MYO5A: variants seen among roughly 807,000 people sequenced by gnomAD.
MYO5A encodes unconventional myosin-Va.
In MYO5A, 98 loss-of-function variants were observed where a neutral mutation model predicts 249.7. That is an observed-to-expected ratio of 0.39 (90% CI 0.33 to 0.46). The LOEUF is 0.46. MYO5A is among the 20% of genes least tolerant of loss of function. MYO5A has a pLI of 0.98. For synonymous variants in MYO5A, 778 were observed against 810.6 expected (o/e 0.96, Z 0.68); for missense variants, 1,696 against 2,308.8 (o/e 0.73, Z 5.44).
intron 2 of MYO5A, among the ~76,000 whole-genome samples, chr15:52,429,428 C>G (rs1037521447): frequency 6.6e-6 from 1 of 152,130 alleles, no homozygotes; most frequent in African/African-American, 2.4e-5. Flanking sequence ...GTGGCTCATG[C>G]CTGTAATCCC....
chr15:52,442,758 C>CT (rs57527294), intron 1 of MYO5A, among the ~76,000 whole-genome samples: 69,124 of 140,834 alleles, frequency 0.49, 19,449 homozygotes, highest in Non-Finnish European at 0.64. Flanking sequence ...CAGTTTTTTT[C>CT]TTTTTTTTTT....
At chr15:52,483,501 A>G (rs1168062660) in intron 1 of MYO5A, among the ~76,000 whole-genome samples, 1 of 152,008 alleles carries the variant, frequency 6.6e-6, no homozygotes, top group Non-Finnish European at 1.5e-5. Context: ...TCTGGGAGGC[A>G]GTAGAGACTC....
intron 9 of MYO5A, among the ~76,000 whole-genome samples, chr15:52,403,773 C>A (rs936397397): frequency 6.6e-6 from 1 of 152,128 alleles, no homozygotes; most frequent in African/African-American, 2.4e-5. Context: ...AAATTAGAAT[C>A]ATCATTTTGC....
intron 29 of MYO5A, among the ~76,000 whole-genome samples, chr15:52,347,796 A>C (rs1384891990): frequency 1.3e-5 from 2 of 152,174 alleles, no homozygotes; most frequent in Non-Finnish European, 2.9e-5. Context: ...AAAACCACAG[A>C]GTATTTTTTT....
chr15:52,405,562 A>G (rs2042967442), intron 8 of MYO5A, among the ~76,000 whole-genome samples, 169 bp from the exon 9 acceptor site: 1 of 152,268 alleles, frequency 6.6e-6, no homozygotes, highest in South Asian at 2.1e-4. Flanking sequence ...TTAACACATT[A>G]GGCAGTTTAG....
In MYO5A at chr15:52,307,866, A is replaced by T. The variant is rs1441091458; in HGVS notation, c.*5830T>A. ...CCAAAGACACAAAAAAGTCAATTTT[A>T]CTGCAGGATCCCACAAAAATACATA... On this transcript the variant is annotated 3_prime_UTR_variant, in exon 42 of 42. Coordinates refer to ENST00000399233, the MANE Select transcript of MYO5A (RefSeq NM_001382347.1). 6.6e-6 allele frequency: 1 copy of T among 152,220 alleles called. No homozygotes were observed. The highest frequency in any genetic ancestry group is 2.4e-5 in the African/African-American group (1 of 41,476). 9.4% of individuals were successfully genotyped at this position (152,220 alleles called of 1,614,324 possible).
intron 40 of MYO5A, among the ~76,000 whole-genome samples, 161 bp from the exon 41 acceptor site, chr15:52,314,364 T>G (rs1017910749): frequency 6.6e-6 from 1 of 152,220 alleles, no homozygotes; most frequent in Non-Finnish European, 1.5e-5. Context: ...ACATTTACCT[T>G]TATCTGAATT....
chr15:52,511,987 C>A (rs1221124884), intron 1 of MYO5A, among the ~76,000 whole-genome samples: 3 of 151,934 alleles, frequency 2.0e-5, no homozygotes, highest in Non-Finnish European at 4.4e-5. Context: ...CACGGTGAAA[C>A]CCCGCCTCTA....
At chr15:52,528,930 C>T (rs2077776027), upstream of MYO5A, 13 of 801,888 alleles carry the variant, frequency 1.6e-5, no homozygotes, top group South Asian at 4.5e-4. Flanking sequence ...CAGGGCCGGG[C>T]GGGGAGGGCC....
In MYO5A at chr15:52,372,361, T is replaced by G; in HGVS notation, c.2580A>C (p.Ile860=). 6.2e-7 allele frequency: 1 copy of G among 1,601,002 alleles called. No homozygotes were observed. The highest frequency in any genetic ancestry group is 8.5e-7 in the Non-Finnish European group (1 of 1,179,876). ...GFLARNRYRK[I]LREHKAVIIQ... is the part of the protein sequence containing the mutation. The stretch of plus-strand genomic sequence containing the variant: ...TGATGACTGCTTTGTGCTCACGGAG[T>G]ATCTGCAGAAAAGGATAAGGGCAAG... The change falls in exon 21 of 42, where the codon ATA becomes ATC. Residue 860 remains isoleucine (I), a splice_region_variant and synonymous_variant. Transcript: ENST00000399233.
At position 52,463,289 on chromosome 15, in the gene MYO5A, C is replaced by T. The variant is rs113816282; in HGVS notation, c.28-30004G>A. ...ACACTTTCTTCATCAAGATGGACTTCTCTAGAAATAAGAATTTCATTCTGT... is the reference window on the plus strand; with the variant it reads ...ACACTTTCTTCATCAAGATGGACTTTTCTAGAAATAAGAATTTCATTCTGT... On this transcript the variant is annotated intron_variant, in intron 1 of 41. Transcript: ENST00000399233. Among the ~76,000 whole-genome samples, 1,376 of 152,256 alleles carry T rather than the reference C, an allele frequency of 9.0e-3. 17 individuals are homozygous for T. The highest frequency in any genetic ancestry group is 0.032 in the African/African-American group (1,312 of 41,542).
At chr15:52,528,668 G>A (rs1036688944) in intron 1 of MYO5A, 112 bp downstream of exon 1, 11 of 1,253,158 alleles carry the variant, frequency 8.8e-6, no homozygotes, top group Non-Finnish European at 1.1e-5. Context: ...TGAAGGGGAT[G>A]GCGCTGGTGG....
At chr15:52,384,106 GT>G in intron 15 of MYO5A, 54 bp downstream of exon 15, 7 of 1,602,198 alleles carry the variant, frequency 4.4e-6, no homozygotes, top group Non-Finnish European at 6.0e-6. Context: ...AAGATCTGAG[GT>G]TTCAGATGAG....
chr15:52,437,772 G>C (rs1461235496), intron 1 of MYO5A, among the ~76,000 whole-genome samples: 1 of 152,150 alleles, frequency 6.6e-6, no homozygotes, highest in Non-Finnish European at 1.5e-5. Context: ...CATGTTCTGT[G>C]TTAGTAGGGA....
chr15:52,494,256 A>C (rs920952405), intron 1 of MYO5A, among the ~76,000 whole-genome samples: 3 of 152,254 alleles, frequency 2.0e-5, no homozygotes, highest in Admixed American at 6.5e-5. Context: ...TAATCCACCC[A>C]TAATCTGCTA....
chr15:52,324,421 C>T (rs1435211253), intron 36 of MYO5A, among the ~76,000 whole-genome samples: 2 of 152,162 alleles, frequency 1.3e-5, no homozygotes, highest in African/African-American at 4.8e-5. Flanking sequence ...GTAAACTAAA[C>T]CATTTGGATG....
At chr15:52,515,383 G>C (rs560536115) in intron 1 of MYO5A, among the ~76,000 whole-genome samples, 119 of 152,238 alleles carry the variant, frequency 7.8e-4, no homozygotes, top group Non-Finnish European at 1.5e-3. Flanking sequence ...AGGGGTGTGG[G>C]GGAAAGTAAA....
intron 27 of MYO5A, among the ~76,000 whole-genome samples, chr15:52,353,099 T>G (rs2040036386): frequency 6.6e-6 from 1 of 152,232 alleles, no homozygotes; most frequent in South Asian, 2.1e-4. Flanking sequence ...TCAATAAGTC[T>G]AGTAGTGTGA....
chr15:52,390,852 G>A (rs2042201547), intron 12 of MYO5A, among the ~76,000 whole-genome samples: 1 of 151,984 alleles, frequency 6.6e-6, no homozygotes, highest in South Asian at 2.1e-4. Context: ...AGCCCATCAT[G>A]CCCGGCCTTC....
Sources: allele counts gnomAD v4.1 joint callset (sites outside exome capture counted in the v4.1 genomes callset), GRCh38; gene constraint gnomAD v4.1.1; transcripts MANE v1.5; gene names NCBI Gene and HGNC (gene_info 2026-07-23, HGNC 2026-07-21).